Variants in ERBB4 observed in about 807,000 individuals in gnomAD.
The protein encoded by ERBB4 is receptor tyrosine-protein kinase erbB-4.
A neutral mutation model predicts 158.0 loss-of-function variants in ERBB4; 42 were observed. That is an observed-to-expected ratio of 0.27 (90% CI 0.21 to 0.34). ERBB4 has a LOEUF of 0.34. Ranked by LOEUF, ERBB4 falls within the 10% of genes least tolerant of loss-of-function variation. ERBB4 has a pLI of 1.00. For synonymous variants in ERBB4, 583 were observed against 558.7 expected (o/e 1.04, Z -0.61); for missense variants, 1,333 against 1,624.1 (o/e 0.82, Z 3.08).
chr2:212,270,193 A>G (rs1574564244), intron 1 of ERBB4, among the ~76,000 whole-genome samples: 3 of 151,836 alleles, frequency 2.0e-5, no homozygotes, highest in African/African-American at 7.2e-5. Context: ...CTGATGACCA[A>G]AAGAGTAGAC....
intron 1 of ERBB4, among the ~76,000 whole-genome samples, chr2:212,240,947 A>T (rs2084081798): frequency 2.0e-5 from 3 of 152,086 alleles, no homozygotes. Context: ...AAGGAAATAA[A>T]TTTTTTCCTC....
intron 2 of ERBB4, among the ~76,000 whole-genome samples, chr2:212,046,279 T>A (rs1416006988): frequency 6.6e-6 from 1 of 152,138 alleles, no homozygotes; most frequent in African/African-American, 2.4e-5. Flanking sequence ...AATAAACTAA[T>A]CCCTTCACTT....
intron 5 of ERBB4, among the ~76,000 whole-genome samples, chr2:211,732,549 C>T (rs1274859210): frequency 6.6e-6 from 1 of 152,058 alleles, no homozygotes; most frequent in African/African-American, 2.4e-5. Context: ...AAGTATATAC[C>T]CCACATGTAA....
At chr2:212,046,194 A>T (rs978446264) in intron 2 of ERBB4, among the ~76,000 whole-genome samples, 1 of 152,192 alleles carries the variant, frequency 6.6e-6, no homozygotes, top group African/African-American at 2.4e-5. Context: ...GAGAGACCTA[A>T]TTTTTTATGA....
chr2:212,149,476 T>C (rs1354740251), intron 1 of ERBB4, among the ~76,000 whole-genome samples: 1 of 152,208 alleles, frequency 6.6e-6, no homozygotes, highest in Non-Finnish European at 1.5e-5. Context: ...GGATAATATT[T>C]GAAGGCAACA....
intron 1 of ERBB4, among the ~76,000 whole-genome samples, chr2:212,212,354 A>G (rs188727691): frequency 6.6e-6 from 1 of 152,222 alleles, no homozygotes; most frequent in Non-Finnish European, 1.5e-5. Context: ...TACAGCTAAC[A>G]GGGCATGTGA....
intron 1 of ERBB4, among the ~76,000 whole-genome samples, chr2:212,247,617 C>A (rs2084359635): frequency 6.6e-6 from 1 of 152,010 alleles, no homozygotes; most frequent in African/African-American, 2.4e-5. Context: ...CAATTAAAAC[C>A]AAAAAACTAG....
chr2:211,472,850 T>A (rs1213412426), intron 20 of ERBB4, among the ~76,000 whole-genome samples: 1 of 151,876 alleles, frequency 6.6e-6, no homozygotes, highest in African/African-American at 2.4e-5. Context: ...GAGCTCCTGG[T>A]TCAGTAGGTA....
chr2:212,086,440 C>T (rs2078614765), intron 2 of ERBB4, among the ~76,000 whole-genome samples: 1 of 151,418 alleles, frequency 6.6e-6, no homozygotes, highest in African/African-American at 2.4e-5. Flanking sequence ...TGCATTACCG[C>T]CTCTAAGAAA....
chr2:212,473,734 G>A (rs1689231775), intron 1 of ERBB4, among the ~76,000 whole-genome samples: 1 of 151,918 alleles, frequency 6.6e-6, no homozygotes, highest in Non-Finnish European at 1.5e-5. Context: ...TAAAACTACA[G>A]CTTACTGATA....
intron 3 of ERBB4, among the ~76,000 whole-genome samples, chr2:211,803,431 A>G (rs1242500010): frequency 6.6e-6 from 1 of 152,188 alleles, no homozygotes; most frequent in Non-Finnish European, 1.5e-5. Flanking sequence ...GTCAGAAACA[A>G]AATTCCCTCT....
chr2:212,024,945 C>G (rs902905078), intron 2 of ERBB4, among the ~76,000 whole-genome samples: 4 of 151,840 alleles, frequency 2.6e-5, no homozygotes, highest in Non-Finnish European at 5.9e-5. Context: ...CAGCAAATTA[C>G]CAAGATTCCC....
intron 12 of ERBB4, among the ~76,000 whole-genome samples, chr2:211,692,145 T>C (rs1188999598): frequency 6.6e-6 from 1 of 152,192 alleles, no homozygotes; most frequent in Non-Finnish European, 1.5e-5. Context: ...TCTGTGTTCA[T>C]AAACTCTGTG....
intron 13 of ERBB4, among the ~76,000 whole-genome samples, chr2:211,675,814 A>ATATAATATTATATATATATATAT (rs2072047279): frequency 7.0e-6 from 1 of 143,186 alleles, no homozygotes; most frequent in Non-Finnish European, 1.5e-5. Flanking sequence ...ATATATAACA[A>ATATAATATTATATATATATATAT]ATAGGCTCCC....
At chr2:212,384,189 A>G (rs752893258) in intron 1 of ERBB4, among the ~76,000 whole-genome samples, 6 of 151,670 alleles carry the variant, frequency 4.0e-5, no homozygotes, top group Non-Finnish European at 7.4e-5. Context: ...AGTGACAGCA[A>G]TTGTGACCCT....
chr2:211,491,075 A>G (rs968473315), intron 20 of ERBB4, among the ~76,000 whole-genome samples: 1 of 152,084 alleles, frequency 6.6e-6, no homozygotes, highest in Non-Finnish European at 1.5e-5. Flanking sequence ...GAAGTCTCTT[A>G]ATTCATCAGG....
intron 13 of ERBB4, among the ~76,000 whole-genome samples, chr2:211,675,792 TTATA>T (rs34492305): frequency 1.1e-5 from 1 of 93,572 alleles, no homozygotes; most frequent in Non-Finnish European, 2.8e-5. Flanking sequence ...AAATATAATA[TTATA>T]TATATATATA....
At chr2:212,137,963 C>T (rs1198455084) in intron 1 of ERBB4, among the ~76,000 whole-genome samples, 1 of 152,060 alleles carries the variant, frequency 6.6e-6, no homozygotes, top group African/African-American at 2.4e-5. Context: ...TAAATGGTTA[C>T]TGGAAAACAA....
Position 211,380,475 on chromosome 2 carries a change from T to C in ERBB4, c.*3140A>G, listed in dbSNP as rs1352704534. 9.5e-5 allele frequency: 22 copies of C among 232,426 alleles called. No individual in the cohort carries two copies. The highest frequency in any genetic ancestry group is 1.3e-3 in the Middle Eastern group (1 of 784). 14.4% of individuals were successfully genotyped at this position (232,426 alleles called of 1,614,324 possible). On this transcript the variant is annotated 3_prime_UTR_variant, in exon 28 of 28. Coordinates refer to ENST00000342788, the MANE Select transcript of ERBB4 (RefSeq NM_005235.3). ...ACATAATTGATTCTGCAAATTTCAA[T>C]TGCTACAATTGGCCTCTGGAATCTG...
Sources: gnomAD v4.1 joint callset for allele counts (sites outside exome capture counted in the v4.1 genomes callset) on GRCh38, gnomAD v4.1.1 for gene constraint, MANE v1.5 for transcripts, NCBI Gene and HGNC (gene_info 2026-07-23, HGNC 2026-07-21) for gene names.